The following PCBP3 variants were observed in gnomAD, a reference collection of about 807,000 sequenced individuals.
The protein encoded by PCBP3 is poly(rC)-binding protein 3.
Under a neutral mutation model 52.7 loss-of-function variants are expected in PCBP3, and 25 were observed. The ratio of observed to expected loss-of-function variants is 0.47; its 90% CI spans 0.35 to 0.66. PCBP3 has a LOEUF of 0.66. PCBP3 is among the 30% of genes least tolerant of loss of function. PCBP3 has a pLI of 0.01. For missense variants in PCBP3, 391 were observed against 490.3 expected (o/e 0.80, Z 1.91); for synonymous variants, 162 against 183.0 (o/e 0.89, Z 0.93).
chr21:45,874,929 G>A (rs1439746553), intron 5 of PCBP3, among the ~76,000 whole-genome samples: 1 of 152,192 alleles, frequency 6.6e-6, no homozygotes, highest in Admixed American at 6.5e-5. Flanking sequence ...TCACGAGAGA[G>A]CATGCAGGTC....
chr21:45,782,038 T>C (rs1390137484), intron 4 of PCBP3, among the ~76,000 whole-genome samples: 2 of 140,912 alleles, frequency 1.4e-5, no homozygotes, highest in Non-Finnish European at 3.1e-5. Context: ...TTCCATTATA[T>C]ATCTCAAAGC....
At chr21:45,775,370 CT>C (rs2090177367) in intron 4 of PCBP3, among the ~76,000 whole-genome samples, 3 of 150,754 alleles carry the variant, frequency 2.0e-5, no homozygotes, top group African/African-American at 7.3e-5. Flanking sequence ...TAAATGCCTC[CT>C]TATTCATTTC....
chr21:45,868,690 C>T (rs1388202293), intron 5 of PCBP3, among the ~76,000 whole-genome samples: 1 of 152,220 alleles, frequency 6.6e-6, no homozygotes, highest in Non-Finnish European at 1.5e-5. Context: ...AAACATTGTC[C>T]ACATCCCCGT....
chr21:45,744,647 A>T (rs915398153), intron 3 of PCBP3, among the ~76,000 whole-genome samples: 1 of 152,162 alleles, frequency 6.6e-6, no homozygotes, highest in Non-Finnish European at 1.5e-5. Flanking sequence ...TCATTTTAGC[A>T]TACATTATAA....
At position 45,909,339 on chromosome 21, in the gene PCBP3, C is replaced by T. The variant is rs371743180; in HGVS notation, c.340-16C>T. On this transcript the variant is annotated splice_polypyrimidine_tract_variant and intron_variant, in intron 9 of 17. Coordinates refer to ENST00000681687, the MANE Select transcript of PCBP3 (RefSeq NM_001384156.1). ...CGACGCCTGAAGTGCTGCCAACACA[C>T]GTGTCTCTCCCCTAGGATATCATCA... is the stretch of plus-strand genomic sequence containing the variant. 29 of 1,608,986 alleles carry T rather than the reference C, an allele frequency of 1.8e-5. No individual in the cohort carries two copies. Among genetic ancestry groups the T allele is most frequent in the African/African-American group, 4.0e-5 (3 of 74,822 alleles).
chr21:45,696,196 T>A (rs534490517), intron 2 of PCBP3, among the ~76,000 whole-genome samples: 18 of 151,836 alleles, frequency 1.2e-4, no homozygotes, highest in Non-Finnish European at 1.8e-4. Flanking sequence ...ACACTTGGAT[T>A]GGACCTAAGT....
intron 2 of PCBP3, among the ~76,000 whole-genome samples, chr21:45,676,064 G>A (rs940946617): frequency 1.3e-5 from 2 of 152,184 alleles, no homozygotes; most frequent in African/African-American, 4.8e-5. Flanking sequence ...TTGAGGAAAA[G>A]CACTTGTGCT....
intron 4 of PCBP3, among the ~76,000 whole-genome samples, chr21:45,842,265 C>A (rs750696416): frequency 1.3e-5 from 2 of 152,140 alleles, no homozygotes; most frequent in African/African-American, 4.8e-5. Flanking sequence ...ACTACAAGTA[C>A]GATTTGGAGT....
intron 4 of PCBP3, among the ~76,000 whole-genome samples, chr21:45,814,630 G>GGTGA (rs2092792630): frequency 7.6e-6 from 1 of 132,414 alleles, no homozygotes; most frequent in Non-Finnish European, 1.6e-5. Context: ...AGTGATGAGT[G>GGTGA]GTGAGTGGTG....
In PCBP3 at chr21:45,941,728, C is replaced by T. The variant is rs757939229; in HGVS notation, c.*22C>T. ...GTAATCCTACCCAGCACCCTTCCCC[C>T]GCGTCACCCACCTGCCAGAGCCTAA... On this transcript the variant is annotated 3_prime_UTR_variant, in exon 18 of 18. Transcript: ENST00000681687. 11 of 1,594,158 alleles carry T rather than the reference C, an allele frequency of 6.9e-6. No individual in the cohort carries two copies. In the South Asian group the frequency reaches 8.0e-5, roughly 12 times the overall value.
chr21:45,681,864 A>G (rs1222597367), intron 2 of PCBP3, among the ~76,000 whole-genome samples: 1 of 152,172 alleles, frequency 6.6e-6, no homozygotes, highest in East Asian at 1.9e-4. Context: ...AGAGGAAGGA[A>G]TCAGTGAAAT....
At chr21:45,918,208 G>A (rs1036657088) in intron 13 of PCBP3, 16 of 164,798 alleles carry the variant, frequency 9.7e-5, no homozygotes, top group East Asian at 5.2e-4. Context: ...GGCTCCGCCC[G>A]GGCCATGCGG....
At chr21:45,899,690 C>T in intron 7 of PCBP3, 68 bp downstream of exon 7, 2 of 1,267,100 alleles carry the variant, frequency 1.6e-6, no homozygotes, top group Non-Finnish European at 2.3e-6. Flanking sequence ...TGGCAGCCTC[C>T]CTGGGTACTA....
chr21:45,785,592 G>A (rs961578884), intron 4 of PCBP3, among the ~76,000 whole-genome samples: 2 of 152,074 alleles, frequency 1.3e-5, no homozygotes, highest in African/African-American at 4.8e-5. Flanking sequence ...ACTGGGAAGT[G>A]AGGAGCCCCT....
rs1430810306 is a variant in PCBP3 at position 45,930,833 on chromosome 21, G to A, written c.844G>A (p.Gly282Ser). 2.5e-6 allele frequency: 4 copies of A among 1,605,760 alleles called. No homozygotes were observed. Among genetic ancestry groups the A allele is most frequent in the Non-Finnish European group, 2.6e-6 (3 of 1,172,894 alleles). ...CTCCGAAGAAGCTCAAAATCTGATG[G>A]GCCAGTCATCAGGTAACACAAAGCC... The part of the protein sequence containing the change: ...HSSEEAQNLM[G>S]QSSGLDASPP... The change falls in exon 15 of 18, where the codon GGC becomes AGC. Residue 282 changes from glycine (G) to serine (S), a missense_variant. Coordinates refer to ENST00000681687, the MANE Select transcript of PCBP3 (RefSeq NM_001384156.1).
At position 45,821,887 on chromosome 21, in the gene PCBP3, T is replaced by A. The variant is rs1037582544; in HGVS notation, c.-125-28074T>A. Reference sequence around the variant, plus strand: ...CAGGGAGGCACCGCCCAGGGGAGGCTCCTCCTTAGGGTGCATTGTCACTCG... The same window carrying A: ...CAGGGAGGCACCGCCCAGGGGAGGCACCTCCTTAGGGTGCATTGTCACTCG... On this transcript the variant is annotated intron_variant, in intron 4 of 17. Coordinates refer to ENST00000681687, the MANE Select transcript of PCBP3 (RefSeq NM_001384156.1). This position sits in a 1 kb window ranked among gnomAD's most constrained non-coding sequence, Gnocchi z 4.4. Among the ~76,000 whole-genome samples, 11 of 152,192 alleles carry A rather than the reference T, an allele frequency of 7.2e-5. No homozygotes were observed. The highest frequency in any genetic ancestry group is 1.5e-4 in the Non-Finnish European group (10 of 68,036).
At chr21:45,820,226 G>A (rs1055669021) in intron 4 of PCBP3, among the ~76,000 whole-genome samples, 11 of 152,274 alleles carry the variant, frequency 7.2e-5, no homozygotes, top group African/African-American at 2.7e-4. Context: ...TCCATGTCAA[G>A]TGTATCCGTC....
chr21:45,863,822 C>T (rs543107975), intron 5 of PCBP3, among the ~76,000 whole-genome samples: 1 of 152,266 alleles, frequency 6.6e-6, no homozygotes, highest in East Asian at 1.9e-4. Flanking sequence ...AGATTGGCTT[C>T]GACGGGAGTC....
chr21:45,732,898 G>C (rs1380788514), intron 2 of PCBP3: 1 of 152,326 alleles, frequency 6.6e-6, no homozygotes, highest in East Asian at 1.9e-4. Context: ...CTCTCAGAGT[G>C]CTGGGATTAC....
Sources: allele counts gnomAD v4.1 joint callset (sites outside exome capture counted in the v4.1 genomes callset), GRCh38; gene constraint gnomAD v4.1.1; non-coding constraint Gnocchi (gnomAD v3.1); transcripts MANE v1.5; gene names NCBI Gene and HGNC (gene_info 2026-07-23, HGNC 2026-07-21).